SLC9A4: variants seen among roughly 807,000 people sequenced by gnomAD.
SLC9A4 encodes the protein sodium/hydrogen exchanger 4.
A neutral mutation model predicts 67.4 loss-of-function variants in SLC9A4; 63 were observed. That is an observed-to-expected ratio of 0.93 (90% CI 0.76 to 1.15). The LOEUF is 1.15. Ranked by LOEUF, SLC9A4 falls within the 50% of genes most tolerant of loss-of-function variation. The probability of loss-of-function intolerance (pLI) is 0.00; values close to 1 mark genes in which losing one functional copy is unlikely to be tolerated. For missense variants in SLC9A4, 1,089 were observed against 987.7 expected (o/e 1.10, Z -1.38); for synonymous variants, 393 against 367.2 (o/e 1.07, Z -0.80).
intron 2 of SLC9A4, among the ~76,000 whole-genome samples, chr2:102,485,394 G>A (rs1684565889): frequency 6.6e-6 from 1 of 152,182 alleles, no homozygotes; most frequent in Non-Finnish European, 1.5e-5. Flanking sequence ...GACCTTTCAT[G>A]CAGTTTGCAA....
At position 102,532,408 on chromosome 2, in the gene SLC9A4, A is replaced by T. The variant is rs2104453649; in HGVS notation, c.2117A>T (p.Glu706Val). ...CGGATAGGGTCACTTCAGAAGCAAG[A>T]GGCACAAGAAATAATACCAATGAAG... ...CSRIGSLQKQ[E>V]AQEIIPMKSL... The change falls in exon 12 of 12, where the codon GAG becomes GTG. Residue 706 changes from glutamate to valine, a missense_variant. Glu to Val is a moderately radical substitution (Grantham distance 121, BLOSUM62 -2). Transcript: ENST00000295269. 1 of 1,614,222 alleles carries T rather than the reference A, an allele frequency of 6.2e-7. No individual in the cohort carries two copies. The highest frequency in any genetic ancestry group is 8.5e-7 in the Non-Finnish European group (1 of 1,180,040).
chr2:102,508,295 C>T lies in SLC9A4; in HGVS notation c.1401+14C>T. 2 of 1,578,316 alleles carry T rather than the reference C, an allele frequency of 1.3e-6. No individual in the cohort carries two copies. The highest frequency in any genetic ancestry group is 1.7e-6 in the Non-Finnish European group (2 of 1,156,874). On this transcript the variant is annotated intron_variant, in intron 5 of 11. Coordinates refer to ENST00000295269, the MANE Select transcript of SLC9A4 (RefSeq NM_001011552.4). ...GTATTTATTCAGGTAAGTAGATTTC[C>T]CTTATATTTAAATAAATAGGTTATT...
At chr2:102,492,120 GC>G (rs1200726557) in intron 2 of SLC9A4, among the ~76,000 whole-genome samples, 1 of 152,180 alleles carries the variant, frequency 6.6e-6, no homozygotes, top group Non-Finnish European at 1.5e-5. Context: ...GCAGGGTACA[GC>G]CCCCACCTCC....
At chr2:102,479,959 T>C (rs1263059851) in intron 2 of SLC9A4, among the ~76,000 whole-genome samples, 1 of 152,190 alleles carries the variant, frequency 6.6e-6, no homozygotes, top group Non-Finnish European at 1.5e-5. Flanking sequence ...TGCTGGAATA[T>C]TGAGAACTAG....
At chr2:102,485,386 C>A (rs1192233396) in intron 2 of SLC9A4, among the ~76,000 whole-genome samples, 1 of 152,208 alleles carries the variant, frequency 6.6e-6, no homozygotes, top group Admixed American at 6.5e-5. Context: ...AGACCATTGA[C>A]CTTTCATGCA....
At chr2:102,477,616 T>C (rs556908013) in intron 1 of SLC9A4, among the ~76,000 whole-genome samples, 2 of 152,260 alleles carry the variant, frequency 1.3e-5, no homozygotes, top group South Asian at 4.1e-4. Flanking sequence ...AAATGTTTTA[T>C]TATTAGTAAT....
intron 2 of SLC9A4, among the ~76,000 whole-genome samples, chr2:102,498,815 T>G (rs987133548): frequency 6.6e-6 from 1 of 152,226 alleles, no homozygotes; most frequent in Non-Finnish European, 1.5e-5. Flanking sequence ...TTAAATAAAA[T>G]AGACCAGGAT....
chr2:102,500,122 G>C (rs1684894500), intron 2 of SLC9A4, among the ~76,000 whole-genome samples: 2 of 152,166 alleles, frequency 1.3e-5, no homozygotes, highest in Admixed American at 6.5e-5. Context: ...ACTGGACTAT[G>C]GTGGGCCCTA....
At chr2:102,523,370 C>G (rs1674587368) in intron 9 of SLC9A4, among the ~76,000 whole-genome samples, 1 of 152,094 alleles carries the variant, frequency 6.6e-6, no homozygotes, top group African/African-American at 2.4e-5. Context: ...ATCTACTTAA[C>G]TGGATGCACA....
chr2:102,480,161 T>G (rs1684428248), intron 2 of SLC9A4, among the ~76,000 whole-genome samples: 1 of 152,148 alleles, frequency 6.6e-6, no homozygotes, highest in Non-Finnish European at 1.5e-5. Flanking sequence ...CACAAAAACT[T>G]CTGCTTGCCC....
intron 11 of SLC9A4, among the ~76,000 whole-genome samples, chr2:102,528,628 G>A (rs1374685205): frequency 2.0e-5 from 3 of 152,076 alleles, no homozygotes; most frequent in Admixed American, 2.0e-4. Context: ...AGATGACCAC[G>A]GAGCAGATTC....
intron 4 of SLC9A4, among the ~76,000 whole-genome samples, chr2:102,506,426 G>A (rs1160448419): frequency 6.6e-6 from 1 of 152,244 alleles, no homozygotes; most frequent in African/African-American, 2.4e-5. Flanking sequence ...ATGGGTTTTA[G>A]GCTCTAGAGG....
intron 2 of SLC9A4, among the ~76,000 whole-genome samples, chr2:102,500,310 C>T (rs936859274): frequency 5.3e-5 from 8 of 152,144 alleles, no homozygotes; most frequent in Non-Finnish European, 1.0e-4. Context: ...CCTCCCCTAA[C>T]GCCTTCAGGG....
At chr2:102,511,392 G>A (rs1470907635) in intron 6 of SLC9A4, among the ~76,000 whole-genome samples, 1 of 151,978 alleles carries the variant, frequency 6.6e-6, no homozygotes, top group Admixed American at 6.5e-5. Flanking sequence ...CTAAGTCCAT[G>A]GAACTTGGAT....
At chr2:102,517,714 A>G (rs951486895) in intron 8 of SLC9A4, among the ~76,000 whole-genome samples, 2 of 152,254 alleles carry the variant, frequency 1.3e-5, no homozygotes, top group African/African-American at 2.4e-5. Context: ...AAAACTATGT[A>G]CAACTACTAT....
At chr2:102,482,182 A>C (rs1412459828) in intron 2 of SLC9A4, among the ~76,000 whole-genome samples, 1 of 152,134 alleles carries the variant, frequency 6.6e-6, no homozygotes, top group Admixed American at 6.5e-5. Context: ...CAGAGATTTC[A>C]TTTCTCAGAG....
At chr2:102,485,800 A>G (rs922924996) in intron 2 of SLC9A4, among the ~76,000 whole-genome samples, 5 of 152,226 alleles carry the variant, frequency 3.3e-5, no homozygotes, top group East Asian at 1.9e-4. Context: ...CAAGCCCCCA[A>G]GAGGGAGCAA....
At chr2:102,518,560 A>C (rs1685326336) in intron 8 of SLC9A4, among the ~76,000 whole-genome samples, 1 of 152,240 alleles carries the variant, frequency 6.6e-6, no homozygotes, top group Non-Finnish European at 1.5e-5. Flanking sequence ...GATTTCGATC[A>C]GTTTATAGAG....
chr2:102,480,989 G>A (rs1684450446), intron 2 of SLC9A4, among the ~76,000 whole-genome samples: 2 of 152,276 alleles, frequency 1.3e-5, no homozygotes. Context: ...AGGAGGAGAT[G>A]ATTGAGTTGT....
Sources: gnomAD v4.1 joint callset for allele counts (sites outside exome capture counted in the v4.1 genomes callset) on GRCh38, gnomAD v4.1.1 for gene constraint, MANE v1.5 for transcripts, NCBI Gene and HGNC (gene_info 2026-07-23, HGNC 2026-07-21) for gene names.